The following CHD7 variants were observed in gnomAD, a reference collection of about 807,000 sequenced individuals.
The protein encoded by CHD7 is ATP-dependent chromatin remodeler CHD7.
In CHD7, 24 loss-of-function variants were observed where a neutral mutation model predicts 307.3. That is an observed-to-expected ratio of 0.08 (90% CI 0.06 to 0.11). The LOEUF (loss-of-function observed/expected upper bound fraction) is 0.11, where lower values mean the gene tolerates loss of function less well. Among genes scored for constraint, CHD7 ranks in the 10% least tolerant of loss-of-function variants. The probability of loss-of-function intolerance (pLI) is 1.00; values close to 1 mark genes in which losing one functional copy is unlikely to be tolerated. For synonymous variants in CHD7, 1,363 were observed against 1,349.9 expected, an observed-to-expected ratio of 1.01 and a Z score of -0.21; for missense variants, 3,106 against 3,727.1, an observed-to-expected ratio of 0.83 and a Z score of 4.34.
At chr8:60,850,397 A>C (rs887217653) in intron 25 of CHD7, 96 bp from the exon 26 acceptor site, 1 of 1,454,378 alleles carries the variant, frequency 6.9e-7, no homozygotes, top group African/African-American at 1.4e-5. Flanking sequence ...CTTGACTGAA[A>C]AACAAACTTG....
At chr8:60,798,090 A>G (rs1161325462) in intron 4 of CHD7, among the ~76,000 whole-genome samples, 1 of 152,264 alleles carries the variant, frequency 6.6e-6, no homozygotes, top group Non-Finnish European at 1.5e-5. Context: ...GTCCAAGGTC[A>G]CATGATAAGA....
At chr8:60,724,826 CT>C (rs921969151) in intron 1 of CHD7, among the ~76,000 whole-genome samples, 9 of 152,178 alleles carry the variant, frequency 5.9e-5, no homozygotes, top group African/African-American at 1.9e-4. Flanking sequence ...CCAATAAAAA[CT>C]TAAAGAAGAG....
chr8:60,817,594 G>A (rs539250227), intron 8 of CHD7, among the ~76,000 whole-genome samples: 1 of 152,302 alleles, frequency 6.6e-6, no homozygotes, highest in South Asian at 2.1e-4. Context: ...TGGCAGTGCA[G>A]TGTTTAGGAC....
intron 1 of CHD7, among the ~76,000 whole-genome samples, chr8:60,727,374 C>T (rs1808222235): frequency 1.3e-5 from 2 of 152,186 alleles, no homozygotes; most frequent in South Asian, 4.1e-4. Flanking sequence ...GTGATCCCCC[C>T]CACCTTGGCC....
chr8:60,856,237 G>A (rs770059187), intron 33 of CHD7, 35 bp downstream of exon 33: 1 of 1,489,624 alleles, frequency 6.7e-7, no homozygotes, highest in South Asian at 1.2e-5. Flanking sequence ...CAGCTTAAAA[G>A]GGAGCTCTCT....
chr8:60,757,733 A>G (rs1039939031), intron 2 of CHD7, among the ~76,000 whole-genome samples: 3 of 152,200 alleles, frequency 2.0e-5, no homozygotes, highest in Non-Finnish European at 2.9e-5. Context: ...GTTCTGATAG[A>G]ATGTATTTTG....
At chr8:60,744,279 G>A (rs1253831314) in intron 2 of CHD7, among the ~76,000 whole-genome samples, 2 of 152,116 alleles carry the variant, frequency 1.3e-5, no homozygotes, top group Non-Finnish European at 2.9e-5. Flanking sequence ...GACTTAAACG[G>A]GGAGGGAGCC....
In CHD7 at chr8:60,725,315, A is replaced by C. The variant is rs138921669; in HGVS notation, c.-174-15944A>C. On this transcript the variant is annotated intron_variant, in intron 1 of 37. Coordinates refer to ENST00000423902, the MANE Select transcript of CHD7 (RefSeq NM_017780.4). ...GAAGTCAAGATCAAGGATGAAGATGAAATTTCTTGTGGTTTCTTCATGAGA... is the reference window on the plus strand; with the variant it reads ...GAAGTCAAGATCAAGGATGAAGATGCAATTTCTTGTGGTTTCTTCATGAGA... Among the ~76,000 whole-genome samples the C allele has an allele frequency of 7.2e-5, 11 of 152,336 alleles. No individual in the cohort carries two copies. The East Asian group carries it at 2.1e-3, about 29-fold the overall frequency.
At chr8:60,828,563 A>T (rs991176109) in intron 13 of CHD7, 100 bp from the exon 14 acceptor site, 2 of 1,086,722 alleles carry the variant, frequency 1.8e-6, no homozygotes, top group South Asian at 3.3e-5. Context: ...CATAGGGTAG[A>T]TGAGTAGGAG....
intron 8 of CHD7, among the ~76,000 whole-genome samples, chr8:60,818,411 G>T (rs1472793237): frequency 6.6e-6 from 1 of 152,226 alleles, no homozygotes; most frequent in Non-Finnish European, 1.5e-5. Flanking sequence ...GAAAGCTTAT[G>T]TTTAAGAACA....
At chr8:60,821,699 T>A in intron 9 of CHD7, 91 bp from the exon 10 acceptor site, 1 of 1,048,192 alleles carries the variant, frequency 9.5e-7, no homozygotes, top group Non-Finnish European at 1.3e-6. Flanking sequence ...CATACATATC[T>A]ATATGTATAA....
intron 2 of CHD7, among the ~76,000 whole-genome samples, chr8:60,776,968 G>A (rs1810982387): frequency 6.6e-6 from 1 of 152,146 alleles, no homozygotes; most frequent in Non-Finnish European, 1.5e-5. Context: ...ATTTTCATGA[G>A]CCATTTAAGC....
At chr8:60,818,366 G>C (rs902598188) in intron 8 of CHD7, among the ~76,000 whole-genome samples, 1 of 152,192 alleles carries the variant, frequency 6.6e-6, no homozygotes, top group African/African-American at 2.4e-5. Context: ...GAAATGTGTA[G>C]GAAAAGTTAA....
chr8:60,700,023 T>G (rs1806681833), intron 1 of CHD7, among the ~76,000 whole-genome samples: 1 of 151,626 alleles, frequency 6.6e-6, no homozygotes, highest in African/African-American at 2.4e-5. Context: ...AGGGAGGGGG[T>G]TTCTCCATGT....
At chr8:60,848,697 C>T (rs1805318776) in intron 24 of CHD7, 93 bp downstream of exon 24, 2 of 939,768 alleles carry the variant, frequency 2.1e-6, no homozygotes, top group Middle Eastern at 2.1e-4. Context: ...CTTCATAAAC[C>T]ACTAGTAACC....
At chr8:60,682,428 T>C (rs143602647) in intron 1 of CHD7, among the ~76,000 whole-genome samples, 11 of 152,336 alleles carry the variant, frequency 7.2e-5, no homozygotes, top group Middle Eastern at 3.4e-3. Context: ...AATATTTTGT[T>C]ATGAGAAAAT....
At chr8:60,720,112 A>C (rs1286493107) in intron 1 of CHD7, among the ~76,000 whole-genome samples, 1 of 152,158 alleles carries the variant, frequency 6.6e-6, no homozygotes, top group Non-Finnish European at 1.5e-5. Context: ...TCATCTTTTC[A>C]TACCAACACA....
At chr8:60,837,413 G>C (rs1342357711) in intron 17 of CHD7, among the ~76,000 whole-genome samples, 1 of 152,104 alleles carries the variant, frequency 6.6e-6, no homozygotes, top group African/African-American at 2.4e-5. Context: ...TCTTGGTGAG[G>C]GCCCTCTTCC....
intron 1 of CHD7, among the ~76,000 whole-genome samples, chr8:60,724,119 G>A (rs1034472943): frequency 6.6e-6 from 1 of 152,222 alleles, no homozygotes; most frequent in Non-Finnish European, 1.5e-5. Context: ...AGGCATGACA[G>A]CAGGATTCCC....
Sources: gnomAD v4.1 joint callset for allele counts (sites outside exome capture counted in the v4.1 genomes callset) on GRCh38, gnomAD v4.1.1 for gene constraint, MANE v1.5 for transcripts, NCBI Gene and HGNC (gene_info 2026-07-23, HGNC 2026-07-21) for gene names.